The following MYO16 variants were observed in gnomAD, a reference collection of about 807,000 sequenced individuals.
MYO16 encodes myosin XVI, also known as unconventional myosin-XVI.
In MYO16, 94 loss-of-function variants were observed where a neutral mutation model predicts 205.3. That is an observed-to-expected ratio of 0.46 (90% CI 0.39 to 0.54). MYO16 has a LOEUF of 0.54. Among genes scored for constraint, MYO16 ranks in the 20% least tolerant of loss-of-function variants. The pLI is 0.00. For missense variants in MYO16, 2,315 were observed against 2,387.5 expected (o/e 0.97, Z 0.63); for synonymous variants, 988 against 954.0 (o/e 1.04, Z -0.66).
Position 109,125,722 on chromosome 13 carries a change from G to T in MYO16, c.3782+364G>T, listed in dbSNP as rs933745529. 2.0e-5 allele frequency among the ~76,000 whole-genome samples: 3 copies of T among 152,128 alleles called. No individual in the cohort carries two copies. The highest frequency in any genetic ancestry group is 7.2e-5 in the African/African-American group (3 of 41,406). ...TTTACACAAGCGTTACGGATATAAG[G>T]CTGGCTTATAGAAACTTCTGGAAAT... is the stretch of plus-strand genomic sequence containing the variant. On this transcript the variant is annotated intron_variant, in intron 30 of 34. Coordinates refer to ENST00000457511, the MANE Select transcript of MYO16 (RefSeq NM_001198950.3). The surrounding 1 kb of genome is among the most constrained non-coding windows in gnomAD (Gnocchi z 4.0).
In MYO16 at chr13:108,966,639, G is replaced by A. The variant is rs78418499; in HGVS notation, c.2369+1737G>A. ...AATAGAGATTAATGGGAAATTAGAG[G>A]TGAATCAACACATTAGAAGTTTGAC... is the stretch of plus-strand genomic sequence containing the variant. On this transcript the variant is annotated intron_variant, in intron 20 of 34. Coordinates refer to ENST00000457511, the MANE Select transcript of MYO16 (RefSeq NM_001198950.3). Among the ~76,000 whole-genome samples, 571 of 152,188 alleles carry A rather than the reference G, an allele frequency of 3.8e-3. 3 individuals are homozygous for A. Among genetic ancestry groups the A allele is most frequent in the African/African-American group, 0.012 (498 of 41,528 alleles).
At chr13:108,710,570 T>C (rs1326109112) in intron 2 of MYO16, among the ~76,000 whole-genome samples, 2 of 152,210 alleles carry the variant, frequency 1.3e-5, no homozygotes, top group Non-Finnish European at 2.9e-5. Flanking sequence ...ATGCTACATA[T>C]GTTGTCTCAT....
chr13:108,787,408 T>A (rs764066462), intron 5 of MYO16, among the ~76,000 whole-genome samples: 1 of 152,264 alleles, frequency 6.6e-6, no homozygotes, highest in Non-Finnish European at 1.5e-5. Context: ...TATTATTTCC[T>A]GCTTTTTCTG....
chr13:108,891,779 A>T (rs1880186138), intron 14 of MYO16, among the ~76,000 whole-genome samples: 1 of 152,188 alleles, frequency 6.6e-6, no homozygotes, highest in African/African-American at 2.4e-5. Flanking sequence ...AGCTGCACTT[A>T]TATCGTTTCC....
At chr13:108,752,239 G>A (rs1228559911) in intron 4 of MYO16, among the ~76,000 whole-genome samples, 1 of 152,076 alleles carries the variant, frequency 6.6e-6, no homozygotes, top group African/African-American at 2.4e-5. Flanking sequence ...GACCAAGAAA[G>A]ACCAAGTCTC....
chr13:108,840,549 A>G (rs1269103770), intron 9 of MYO16, among the ~76,000 whole-genome samples: 2 of 152,116 alleles, frequency 1.3e-5, no homozygotes, highest in African/African-American at 4.8e-5. Flanking sequence ...TTGTTTCATT[A>G]TTTTTTGAGA....
Position 109,120,459 on chromosome 13 carries a change from C to A in MYO16, c.3528C>A (p.Cys1176Ter). ...AGTTGCAGAGAAAAATTATAACCTG[C>A]CAAAAAGGTAACATTTATATGCCAA... is the stretch of plus-strand genomic sequence containing the variant. ...CLQLQRKIITCQKVIRGFLAR... is the reference protein window; with the variant it reads ...CLQLQRKIIT Residue 1176 changes from cysteine (C) to a stop codon, truncating the protein, a stop_gained, in exon 29 of 35, where the codon TGC becomes TGA. Coordinates refer to ENST00000457511, the MANE Select transcript of MYO16 (RefSeq NM_001198950.3). LOFTEE classifies it high-confidence loss of function. The A allele has an allele frequency of 6.2e-7, 1 of 1,605,216 alleles. No individual in the cohort carries two copies. Among genetic ancestry groups the A allele is most frequent in the Non-Finnish European group, 8.5e-7 (1 of 1,175,202 alleles).
chr13:108,534,470 G>A, the MYO16 span, among the ~76,000 whole-genome samples: 1 of 152,110 alleles, frequency 6.6e-6, no homozygotes, highest in Non-Finnish European at 1.5e-5. Context: ...GGGTCATGCT[G>A]CTGTCAAAGT....
Position 109,054,039 on chromosome 13 carries a change from T to G in MYO16, c.3049-1007T>G, listed in dbSNP as rs544789199. On this transcript the variant is annotated intron_variant, in intron 25 of 34. Coordinates refer to ENST00000457511, the MANE Select transcript of MYO16 (RefSeq NM_001198950.3). The stretch of plus-strand genomic sequence containing the variant: ...CAAGACCTTTTTTAAGAAAAACGAT[T>G]TTAGATCAATAAGTCCATTAGTCTA... 1.1e-4 allele frequency among the ~76,000 whole-genome samples: 16 copies of G among 152,258 alleles called. No homozygotes were observed. In the East Asian group the frequency reaches 2.9e-3, roughly 28 times the overall value.
intron 32 of MYO16, among the ~76,000 whole-genome samples, chr13:109,150,962 GT>G (rs1341668277): frequency 6.6e-6 from 1 of 152,102 alleles, no homozygotes; most frequent in Non-Finnish European, 1.5e-5. Flanking sequence ...ATATCCTGGG[GT>G]TTTCTTCCTT....
the MYO16 span, among the ~76,000 whole-genome samples, chr13:108,589,212 G>T: frequency 1.3e-5 from 2 of 152,232 alleles, no homozygotes; most frequent in Admixed American, 6.5e-5. Flanking sequence ...GATAAATTAT[G>T]TCTTAGTTTT....
intron 1 of MYO16, among the ~76,000 whole-genome samples, chr13:108,636,357 TTTTTTTTTTTTTTGTG>T (rs1880234363): frequency 1.6e-5 from 1 of 60,724 alleles, no homozygotes; most frequent in African/African-American, 7.1e-5. Flanking sequence ...TTTTTTTTTT[TTTTTTTTTTTTTTGTG>T]TGTGTGTGTG....
chr13:108,754,959 TAGAG>T (rs950232966), intron 4 of MYO16, among the ~76,000 whole-genome samples: 2 of 151,244 alleles, frequency 1.3e-5, no homozygotes, highest in African/African-American at 2.5e-5. Context: ...GATGAATATA[TAGAG>T]AGAGAGACAG....
chr13:108,953,479 G>T (rs1339886215), intron 16 of MYO16, among the ~76,000 whole-genome samples: 1 of 151,840 alleles, frequency 6.6e-6, no homozygotes, highest in Admixed American at 6.6e-5. Flanking sequence ...CAAAATCACT[G>T]TGAACTAGAA....
chr13:109,164,817 TTTA>T (rs1878563258), intron 32 of MYO16, 81 bp from the exon 33 acceptor site: 1 of 680,154 alleles, frequency 1.5e-6, no homozygotes, highest in Non-Finnish European at 2.2e-6. Flanking sequence ...GATTTGATGT[TTTA>T]TTATTTTCTC....
At chr13:108,993,125 T>A (rs1884891834) in intron 21 of MYO16, among the ~76,000 whole-genome samples, 1 of 152,120 alleles carries the variant, frequency 6.6e-6, no homozygotes, top group Non-Finnish European at 1.5e-5. Flanking sequence ...TACATTATAG[T>A]ACGGGAAGAA....
At position 109,022,125 on chromosome 13, in the gene MYO16, A is replaced by T. The variant is rs193233418; in HGVS notation, c.2796+2214A>T. On this transcript the variant is annotated intron_variant, in intron 23 of 34. Transcript: ENST00000457511. ...ATAAAACATATTTATATATACAAAT[A>T]TATATACATATATATATTTATATAT... 1.2e-3 allele frequency among the ~76,000 whole-genome samples: 161 copies of T among 135,230 alleles called. 1 individual carries two copies. Among genetic ancestry groups the T allele is most frequent in the Middle Eastern group, 3.7e-3 (1 of 272 alleles). 88.7% of individuals were successfully genotyped at this position (135,230 alleles called of 152,430 possible). A position where few individuals can be genotyped will look rare whatever the true frequency, so the allele number is the denominator to read the frequency against.
At position 109,123,823 on chromosome 13, in the gene MYO16, C is replaced by A. The variant is rs1876112061; in HGVS notation, c.3536-1289C>A. Among the ~76,000 whole-genome samples, 4 of 152,130 alleles carry A rather than the reference C, an allele frequency of 2.6e-5. No homozygotes were observed. In the South Asian group the frequency reaches 8.3e-4, roughly 32 times the overall value. On this transcript the variant is annotated intron_variant, in intron 29 of 34. Transcript: ENST00000457511. ...CATCAAAGTTAATATCATAGGTACC[C>A]CTCATATTTATTATTTTATAACCAT...
intron 20 of MYO16, among the ~76,000 whole-genome samples, chr13:108,989,149 C>G (rs529685315): frequency 1.3e-5 from 2 of 152,154 alleles, no homozygotes; most frequent in Non-Finnish European, 2.9e-5. Context: ...GGTCTACCAT[C>G]TTATTACAGG....
Sources: allele counts gnomAD v4.1 joint callset (sites outside exome capture counted in the v4.1 genomes callset), GRCh38; gene constraint gnomAD v4.1.1; non-coding constraint Gnocchi (gnomAD v3.1); transcripts MANE v1.5; gene names NCBI Gene and HGNC (gene_info 2026-07-23, HGNC 2026-07-21).